The following RBFOX1 variants were observed in gnomAD, a reference collection of about 807,000 sequenced individuals.
RBFOX1 encodes the protein RNA binding protein fox-1 homolog 1.
A neutral mutation model predicts 57.7 loss-of-function variants in RBFOX1; 8 were observed. That is an observed-to-expected ratio of 0.14 (90% CI 0.08 to 0.25). The LOEUF (loss-of-function observed/expected upper bound fraction) is 0.25, where lower values mean the gene tolerates loss of function less well. Among genes scored for constraint, RBFOX1 ranks in the 10% least tolerant of loss-of-function variants. The probability of loss-of-function intolerance (pLI) is 1.00; values close to 1 mark genes in which losing one functional copy is unlikely to be tolerated. For synonymous variants in RBFOX1, 326 were observed against 222.4 expected (o/e 1.47, Z -4.15); for missense variants, 611 against 548.5 (o/e 1.11, Z -1.14).
intron 1 of RBFOX1, among the ~76,000 whole-genome samples, chr16:5,287,580 A>C (rs1373247480): frequency 1.3e-5 from 2 of 152,158 alleles, no homozygotes; most frequent in Admixed American, 6.5e-5. Context: ...ATTTTCATGG[A>C]TCTATGGATC....
chr16:6,352,290 C>G (rs1275260601), intron 2 of RBFOX1, among the ~76,000 whole-genome samples: 1 of 152,058 alleles, frequency 6.6e-6, no homozygotes, highest in African/African-American at 2.4e-5. Context: ...GGGGTTGTTT[C>G]TTTTGTTGCT....
rs1043460217 is a variant in RBFOX1, at chr16:7,121,107, C to T, written c.27+69009C>T. On this transcript the variant is annotated intron_variant, in intron 4 of 15. Transcript: ENST00000550418. ...CTCAACTAACTAGAAATAGAAGGCA[C>T]CTTCTGCAACCTGGTAGAGGATGTC... is the stretch of plus-strand genomic sequence containing the variant. Among the ~76,000 whole-genome samples the T allele has an allele frequency of 2.0e-5, 3 of 151,956 alleles. No homozygotes were observed. The East Asian group carries it at 5.8e-4, about 29-fold the overall frequency.
At chr16:7,213,557 CA>C (rs34274577) in intron 4 of RBFOX1, among the ~76,000 whole-genome samples, 52,749 of 144,682 alleles carry the variant, frequency 0.36, 12,048 homozygotes, top group African/African-American at 0.66. Context: ...CCTCTAATGC[CA>C]AAAAAAAAAA....
chr16:7,343,931 T>C (rs1364927026), intron 4 of RBFOX1, among the ~76,000 whole-genome samples: 5 of 152,052 alleles, frequency 3.3e-5, no homozygotes, highest in Non-Finnish European at 7.4e-5. Context: ...TCAATAAATG[T>C]ATTTACAAGT....
chr16:7,708,777 G>T (rs925791922), intron 14 of RBFOX1, among the ~76,000 whole-genome samples: 1 of 151,942 alleles, frequency 6.6e-6, no homozygotes, highest in Admixed American at 6.6e-5. Context: ...GAGCAGTGTA[G>T]AAACAGTATT....
chr16:7,458,707 C>T (rs1264545802), intron 4 of RBFOX1, among the ~76,000 whole-genome samples: 1 of 151,882 alleles, frequency 6.6e-6, no homozygotes, highest in Non-Finnish European at 1.5e-5. Flanking sequence ...AGTTCACTCC[C>T]TCTCCTCCTT....
rs2057637386 is a variant in RBFOX1, at chr16:6,676,153, CACACA to C, written c.-16+21504_-16+21508del. ...ACACACACACACGCGCACACACACA[CACACA>C]CACACACACACACACACACACACTT... is the stretch of plus-strand genomic sequence containing the variant. On this transcript the variant is annotated intron_variant, in intron 3 of 15. Coordinates refer to ENST00000550418, the MANE Select transcript of RBFOX1 (RefSeq NM_018723.4). 6.0e-5 allele frequency among the ~76,000 whole-genome samples: 7 copies of C among 116,676 alleles called. No individual in the cohort carries two copies. In the South Asian group the frequency reaches 1.9e-3, roughly 32 times the overall value. The allele number at this position is 116,676 out of a possible 152,430, so 76.5% of individuals were successfully genotyped here.
At chr16:6,627,593 G>C (rs547975536) in intron 2 of RBFOX1, among the ~76,000 whole-genome samples, 1 of 152,148 alleles carries the variant, frequency 6.6e-6, no homozygotes, top group Non-Finnish European at 1.5e-5. Context: ...ATGAACGCTA[G>C]ACTGAGAATA....
At chr16:7,276,293 C>T (rs2095438686) in intron 4 of RBFOX1, among the ~76,000 whole-genome samples, 1 of 152,178 alleles carries the variant, frequency 6.6e-6, no homozygotes, top group Non-Finnish European at 1.5e-5. Context: ...ATGTTCCTCT[C>T]CTTCCTGATG....
In RBFOX1 at chr16:5,433,241, G is replaced by A. The variant is rs141128560; in HGVS notation, c.220-33975G>A. On this transcript the variant is annotated intron_variant, in intron 1 of 2. Transcript: ENST00000585867. The stretch of plus-strand genomic sequence containing the variant: ...CTTGGAAGCTGTTACGGTGCAGGAG[G>A]AGTTTGTGGACATCTTGAAAGGAGG... Among the ~76,000 whole-genome samples the A allele has an allele frequency of 4.0e-4, 61 of 152,252 alleles. 1 individual carries two copies. In the East Asian group the frequency reaches 9.9e-3, roughly 25 times the overall value.
intron 3 of RBFOX1, among the ~76,000 whole-genome samples, chr16:5,647,574 T>C (rs1430604942): frequency 8.6e-5 from 13 of 151,994 alleles, no homozygotes; most frequent in African/African-American, 2.9e-4. Context: ...CCCCACCTCT[T>C]CTCCTTTCCC....
rs2095405328 is a variant in RBFOX1 at position 6,483,344 on chromosome 16, G to A, written c.-64+166287G>A. On this transcript the variant is annotated intron_variant, in intron 2 of 15. Coordinates refer to ENST00000550418, the MANE Select transcript of RBFOX1 (RefSeq NM_018723.4). Reference sequence around the variant, plus strand: ...GCGTTCTGCACCTGCTGGCGGTCGTGCCAGGCAGCCCGGGCGAGCGAAGGC... The same window carrying A: ...GCGTTCTGCACCTGCTGGCGGTCGTACCAGGCAGCCCGGGCGAGCGAAGGC... 4.0e-6 allele frequency: 6 copies of A among 1,482,198 alleles called. No individual in the cohort carries two copies. In the African/African-American group the frequency reaches 5.6e-5, roughly 14 times the overall value. The allele number at this position is 1,482,198 out of a possible 1,614,324, so 91.8% of individuals were successfully genotyped here.
intron 14 of RBFOX1, among the ~76,000 whole-genome samples, chr16:7,699,299 C>T (rs2079860987): frequency 6.6e-6 from 1 of 152,152 alleles, no homozygotes; most frequent in South Asian, 2.1e-4. Flanking sequence ...TCTAGCGATC[C>T]TCCCACTTCA....
chr16:6,013,733 T>C (rs936839912), intron 4 of RBFOX1, among the ~76,000 whole-genome samples: 1 of 152,190 alleles, frequency 6.6e-6, no homozygotes, highest in African/African-American at 2.4e-5. Flanking sequence ...CCACGGTGTA[T>C]GTGTGCCACA....
intron 1 of RBFOX1, among the ~76,000 whole-genome samples, chr16:5,406,789 C>G (rs2066879945): frequency 6.6e-6 from 1 of 152,098 alleles, no homozygotes; most frequent in African/African-American, 2.4e-5. Flanking sequence ...ATAGTGAACT[C>G]TCATGAATAC....
chr16:5,865,582 G>C (rs2057326379), intron 3 of RBFOX1, among the ~76,000 whole-genome samples: 2 of 152,326 alleles, frequency 1.3e-5, no homozygotes, highest in South Asian at 2.1e-4. Context: ...TTGGGAGTGA[G>C]TGTGGGAGAG....
intron 4 of RBFOX1, among the ~76,000 whole-genome samples, chr16:5,882,961 G>A (rs1042344130): frequency 6.6e-6 from 1 of 152,106 alleles, no homozygotes; most frequent in Non-Finnish European, 1.5e-5. Flanking sequence ...TTAAAGGAAC[G>A]TTGTTGTTGG....
intron 4 of RBFOX1, among the ~76,000 whole-genome samples, chr16:7,181,090 C>T (rs554732111): frequency 6.6e-6 from 1 of 152,214 alleles, no homozygotes; most frequent in Non-Finnish European, 1.5e-5. Context: ...TACTGACCCC[C>T]TGCTATCAAG....
At chr16:6,048,658 C>T (rs1367356069) in intron 1 of RBFOX1, among the ~76,000 whole-genome samples, 3 of 152,156 alleles carry the variant, frequency 2.0e-5, no homozygotes, top group Admixed American at 2.0e-4. Flanking sequence ...TTTTAATATA[C>T]TGTGACCTTC....
Sources: allele counts gnomAD v4.1 joint callset (sites outside exome capture counted in the v4.1 genomes callset), GRCh38; gene constraint gnomAD v4.1.1; transcripts MANE v1.5; gene names NCBI Gene and HGNC (gene_info 2026-07-23, HGNC 2026-07-21).